The following KCNH1 variants were observed in gnomAD, a reference collection of about 807,000 sequenced individuals.
KCNH1 encodes the protein voltage-gated delayed rectifier potassium channel KCNH1.
A neutral mutation model predicts 69.2 loss-of-function variants in KCNH1; 27 were observed. That is an observed-to-expected ratio of 0.39 (90% CI 0.29 to 0.54). The LOEUF is 0.54. Among genes scored for constraint, KCNH1 ranks in the 20% least tolerant of loss-of-function variants. KCNH1 has a pLI of 0.68. For missense variants in KCNH1, 798 were observed against 1,261.6 expected, an observed-to-expected ratio of 0.63 and a Z score of 5.57; for synonymous variants, 456 against 487.7, an observed-to-expected ratio of 0.93 and a Z score of 0.86.
chr1:210,810,210 C>A (rs1334294692), intron 7 of KCNH1, among the ~76,000 whole-genome samples: 1 of 152,012 alleles, frequency 6.6e-6, no homozygotes, highest in Non-Finnish European at 1.5e-5. Context: ...AAGTGGAAAT[C>A]ATTTCTCTCT....
At chr1:210,935,670 A>G (rs1304882826) in intron 6 of KCNH1, among the ~76,000 whole-genome samples, 3 of 152,244 alleles carry the variant, frequency 2.0e-5, no homozygotes, top group Non-Finnish European at 2.9e-5. Flanking sequence ...CCTACCTCAC[A>G]TTTCAAATAA....
intron 7 of KCNH1, chr1:210,861,243 T>C (rs1232588007): frequency 3.1e-6 from 3 of 967,196 alleles, no homozygotes; most frequent in Non-Finnish European, 5.1e-6. Context: ...ATGCCTTGTA[T>C]ATGGGGCTTC....
intron 7 of KCNH1, among the ~76,000 whole-genome samples, chr1:210,914,959 ACAATGACAGGATGACAG>A (rs1687305826): frequency 6.6e-6 from 1 of 152,190 alleles, no homozygotes; most frequent in Admixed American, 6.5e-5. Flanking sequence ...TGGCTGACTT[ACAATGACAGGATGACAG>A]CAATGACATT....
At chr1:210,866,273 T>C (rs1343150) in intron 7 of KCNH1, among the ~76,000 whole-genome samples, 36,308 of 152,028 alleles carry the variant, frequency 0.24, 4,498 homozygotes, top group African/African-American at 0.32. Flanking sequence ...AAATGGACTA[T>C]ATGAAAACCT....
chr1:210,771,362 G>A (rs1004874020), intron 10 of KCNH1, among the ~76,000 whole-genome samples: 3 of 152,120 alleles, frequency 2.0e-5, no homozygotes, highest in African/African-American at 7.2e-5. Context: ...AATGGAACTG[G>A]CCAAAACAGT....
chr1:210,978,171 T>C (rs1469779413), intron 6 of KCNH1, among the ~76,000 whole-genome samples: 2 of 151,906 alleles, frequency 1.3e-5, no homozygotes, highest in African/African-American at 2.4e-5. Flanking sequence ...CCCGAGTAGC[T>C]GGGACTACAG....
At chr1:210,782,232 G>A (rs563497854) in intron 9 of KCNH1, among the ~76,000 whole-genome samples, 20 of 152,228 alleles carry the variant, frequency 1.3e-4, no homozygotes, top group Admixed American at 6.5e-4. Context: ...ACAGCACTGC[G>A]CATCTTACTA....
At chr1:211,053,804 T>C (rs1690251520) in intron 5 of KCNH1, among the ~76,000 whole-genome samples, 1 of 151,990 alleles carries the variant, frequency 6.6e-6, no homozygotes, top group African/African-American at 2.4e-5. Flanking sequence ...AAAACTCCAG[T>C]TGCAGATAAG....
At chr1:210,700,424 C>T (rs1681745612) in intron 10 of KCNH1, among the ~76,000 whole-genome samples, 1 of 152,200 alleles carries the variant, frequency 6.6e-6, no homozygotes, top group Admixed American at 6.5e-5. Context: ...GTATAGAGCA[C>T]ACCTGGGTCC....
At chr1:210,787,448 A>G (rs1478512795) in intron 9 of KCNH1, among the ~76,000 whole-genome samples, 1 of 152,218 alleles carries the variant, frequency 6.6e-6, no homozygotes, top group African/African-American at 2.4e-5. Flanking sequence ...CTGGCTGAGA[A>G]GGTTGGCTTT....
intron 7 of KCNH1, among the ~76,000 whole-genome samples, chr1:210,828,904 T>C (rs1187007078): frequency 1.3e-5 from 2 of 152,144 alleles, no homozygotes; most frequent in Non-Finnish European, 2.9e-5. Context: ...TGAATAACAA[T>C]GAACAAAAAT....
At chr1:210,975,215 GT>G (rs1431388572) in intron 6 of KCNH1, among the ~76,000 whole-genome samples, 18 of 152,240 alleles carry the variant, frequency 1.2e-4, no homozygotes, top group African/African-American at 4.1e-4. Context: ...ATGAAGAATA[GT>G]TTTGATATAT....
At chr1:210,975,102 C>T (rs1233101414) in intron 6 of KCNH1, among the ~76,000 whole-genome samples, 2 of 152,098 alleles carry the variant, frequency 1.3e-5, no homozygotes, top group Non-Finnish European at 2.9e-5. Context: ...ATGTCATTTC[C>T]TTTCATTCTG....
At chr1:210,865,568 C>G (rs1686090308) in intron 7 of KCNH1, among the ~76,000 whole-genome samples, 1 of 151,828 alleles carries the variant, frequency 6.6e-6, no homozygotes. Flanking sequence ...TCACAGTGTA[C>G]ACACAATGCT....
intron 3 of KCNH1, among the ~76,000 whole-genome samples, chr1:211,102,929 A>G (rs1691285966): frequency 6.6e-6 from 1 of 152,202 alleles, no homozygotes. Context: ...CCAACAGGAA[A>G]CCTCCTAAGG....
intron 7 of KCNH1, among the ~76,000 whole-genome samples, chr1:210,883,757 A>G (rs1384598176): frequency 1.3e-5 from 2 of 152,224 alleles, no homozygotes; most frequent in African/African-American, 4.8e-5. Context: ...TGGACAGCCC[A>G]TTTTCATTAA....
intron 10 of KCNH1, among the ~76,000 whole-genome samples, chr1:210,710,307 T>A (rs201249854): frequency 0.012 from 1,860 of 152,162 alleles, 56 homozygotes; most frequent in East Asian, 0.061. Context: ...AAGTCAGTGG[T>A]AAGTGAATGT....
At chr1:210,780,288 G>T (rs1683951347) in intron 9 of KCNH1, among the ~76,000 whole-genome samples, 1 of 152,138 alleles carries the variant, frequency 6.6e-6, no homozygotes, top group African/African-American at 2.4e-5. Flanking sequence ...GAAATTTCTG[G>T]CTGCTTCTCT....
intron 7 of KCNH1, among the ~76,000 whole-genome samples, chr1:210,843,594 G>A (rs1685472279): frequency 1.3e-5 from 2 of 152,156 alleles, no homozygotes; most frequent in South Asian, 4.1e-4. Context: ...TGGACATTGA[G>A]GCAGGGAGGT....
Sources: allele counts gnomAD v4.1 joint callset (sites outside exome capture counted in the v4.1 genomes callset), GRCh38; gene constraint gnomAD v4.1.1; transcripts MANE v1.5; gene names NCBI Gene and HGNC (gene_info 2026-07-23, HGNC 2026-07-21).